The following BICC1 variants were observed in gnomAD, a reference collection of about 807,000 sequenced individuals.
BICC1 encodes BicC family RNA binding protein 1.
In BICC1, 43 loss-of-function variants were observed where a neutral mutation model predicts 111.0. The observed-to-expected ratio is 0.39, with a 90% CI of 0.30 to 0.50. The LOEUF (loss-of-function observed/expected upper bound fraction) is 0.50. Among genes scored for constraint, BICC1 ranks in the 20% least tolerant of loss-of-function variants. The probability of loss-of-function intolerance (pLI) is 0.88; values close to 1 mark genes in which losing one functional copy is unlikely to be tolerated. For missense variants in BICC1, 1,091 were observed against 1,203.2 expected, an observed-to-expected ratio of 0.91 and a Z score of 1.38; for synonymous variants, 467 against 434.4, an observed-to-expected ratio of 1.07 and a Z score of -0.93.
chr10:58,715,588 A>C (rs2132501416), intron 3 of BICC1: 1 of 1,602,262 alleles, frequency 6.2e-7, no homozygotes, highest in Non-Finnish European at 8.5e-7. Flanking sequence ...GCCTATATGC[A>C]CCCAATAGCA....
chr10:58,538,448 C>T (rs1658463), intron 1 of BICC1, among the ~76,000 whole-genome samples: 69,794 of 151,638 alleles, frequency 0.46, 17,108 homozygotes, highest in Admixed American at 0.62. Flanking sequence ...TGGATTCCTA[C>T]CTGTCACCAT....
intron 1 of BICC1, among the ~76,000 whole-genome samples, chr10:58,562,882 G>T (rs1316658697): frequency 6.6e-6 from 1 of 152,132 alleles, no homozygotes; most frequent in Non-Finnish European, 1.5e-5. Context: ...GTCTGCAAGT[G>T]CCTCAGTGGC....
chr10:58,813,785 C>A lies in BICC1; in HGVS notation c.2377-45C>A, dbSNP rs778075890. ...TCTTTTCTCCTCCCACCCTGAAAAACCCACCTGATTAAATATTTCCTTATC... is the reference window on the plus strand; with the variant it reads ...TCTTTTCTCCTCCCACCCTGAAAAAACCACCTGATTAAATATTTCCTTATC... On this transcript the variant is annotated intron_variant, in intron 17 of 20. Coordinates refer to ENST00000373886, the MANE Select transcript of BICC1 (RefSeq NM_001080512.3). 3.1e-6 allele frequency: 5 copies of A among 1,593,664 alleles called. No homozygotes were observed. The Admixed American group carries it at 5.1e-5, about 16-fold the overall frequency.
intron 1 of BICC1, among the ~76,000 whole-genome samples, chr10:58,528,526 A>C (rs1842603332): frequency 2.0e-5 from 3 of 151,928 alleles, no homozygotes; most frequent in Admixed American, 2.0e-4. Context: ...ATGTGATTTC[A>C]AATCTTCTCA....
At chr10:58,530,230 G>A (rs1842644401) in intron 1 of BICC1, among the ~76,000 whole-genome samples, 1 of 151,802 alleles carries the variant, frequency 6.6e-6, no homozygotes, top group African/African-American at 2.4e-5. Context: ...AGACCAAGAA[G>A]TGAAATGAGG....
intron 1 of BICC1, among the ~76,000 whole-genome samples, chr10:58,577,539 A>T (rs1470653203): frequency 6.6e-6 from 1 of 152,204 alleles, no homozygotes; most frequent in African/African-American, 2.4e-5. Flanking sequence ...TTTTTGAGGA[A>T]GTCAGAGAGA....
chr10:58,749,874 T>A (rs933123742), intron 3 of BICC1, among the ~76,000 whole-genome samples: 2 of 150,998 alleles, frequency 1.3e-5, no homozygotes, highest in African/African-American at 4.9e-5. Flanking sequence ...AAACCTAGAG[T>A]TAGTTACCAG....
At chr10:58,605,955 G>A (rs1845197198) in intron 1 of BICC1, among the ~76,000 whole-genome samples, 1 of 152,006 alleles carries the variant, frequency 6.6e-6, no homozygotes, top group South Asian at 2.1e-4. Context: ...CTTCCCCCTT[G>A]GGTTTAATAT....
chr10:58,604,418 C>T (rs961060454), intron 1 of BICC1, among the ~76,000 whole-genome samples: 1 of 152,028 alleles, frequency 6.6e-6, no homozygotes, highest in Non-Finnish European at 1.5e-5. Context: ...GCCTGTAATC[C>T]CAGCACTTTG....
intron 2 of BICC1, among the ~76,000 whole-genome samples, chr10:58,694,130 T>A (rs139311862): frequency 3.9e-5 from 6 of 152,274 alleles, no homozygotes; most frequent in Non-Finnish European, 7.4e-5. Context: ...ATCATCTCCT[T>A]CTCCTGTTCT....
chr10:58,514,251 G>C (rs1256921291), intron 1 of BICC1, among the ~76,000 whole-genome samples: 3 of 152,190 alleles, frequency 2.0e-5, no homozygotes, highest in East Asian at 1.9e-4. Context: ...TCCAAAGAGA[G>C]AAATGAGTTA....
chr10:58,778,835 C>T (rs912011859), intron 3 of BICC1, among the ~76,000 whole-genome samples: 1 of 152,190 alleles, frequency 6.6e-6, no homozygotes, highest in Non-Finnish European at 1.5e-5. Flanking sequence ...TTACTCCCCT[C>T]TTGAAATATA....
chr10:58,514,032 C>T (rs898890669), intron 1 of BICC1, among the ~76,000 whole-genome samples: 1 of 152,226 alleles, frequency 6.6e-6, no homozygotes, highest in African/African-American at 2.4e-5. Context: ...CTGACTTTGT[C>T]TTTCACAACT....
intron 1 of BICC1, among the ~76,000 whole-genome samples, chr10:58,528,451 T>G (rs1842601482): frequency 6.6e-6 from 1 of 151,972 alleles, no homozygotes; most frequent in South Asian, 2.1e-4. Context: ...TAATTTCAGT[T>G]TATTTCATTG....
rs138444830 is a variant in BICC1, at chr10:58,674,070, C to T, written c.238-28004C>T. ...TTGAAATAAATCATTTAGCTACCAACATTTTAGAATTAAGGAGATTTACAT... is the reference window on the plus strand; with the variant it reads ...TTGAAATAAATCATTTAGCTACCAATATTTTAGAATTAAGGAGATTTACAT... On this transcript the variant is annotated intron_variant, in intron 2 of 20. Transcript: ENST00000373886. Among the ~76,000 whole-genome samples the T allele has an allele frequency of 3.0e-3, 456 of 152,340 alleles. 1 individual carries two copies. Among genetic ancestry groups the T allele is most frequent in the Non-Finnish European group, 5.1e-3 (350 of 68,030 alleles).
At chr10:58,793,929 C>T (rs1043951352) in intron 9 of BICC1, among the ~76,000 whole-genome samples, 13 of 152,102 alleles carry the variant, frequency 8.5e-5, no homozygotes, top group African/African-American at 2.9e-4. Context: ...AAGGGAAACT[C>T]AACTTGTATA....
At chr10:58,620,016 A>G (rs775489643) in intron 1 of BICC1, among the ~76,000 whole-genome samples, 4 of 152,158 alleles carry the variant, frequency 2.6e-5, no homozygotes, top group Non-Finnish European at 5.9e-5. Flanking sequence ...GGCTTCTCTC[A>G]TTAATCACTA....
chr10:58,599,703 A>T (rs1844961453), intron 1 of BICC1, among the ~76,000 whole-genome samples: 1 of 152,106 alleles, frequency 6.6e-6, no homozygotes, highest in African/African-American at 2.4e-5. Context: ...CTCTCTCCTT[A>T]ATCCTACCCA....
At chr10:58,555,479 T>C (rs1211936094) in intron 1 of BICC1, among the ~76,000 whole-genome samples, 2 of 152,080 alleles carry the variant, frequency 1.3e-5, no homozygotes, top group African/African-American at 4.8e-5. Flanking sequence ...ATTTCTTTTC[T>C]GATTATCAAG....
Sources: gnomAD v4.1 joint callset for allele counts (sites outside exome capture counted in the v4.1 genomes callset) on GRCh38, gnomAD v4.1.1 for gene constraint, MANE v1.5 for transcripts, NCBI Gene and HGNC (gene_info 2026-07-23, HGNC 2026-07-21) for gene names.